Variants in TRAPPC3 observed in about 807,000 individuals in gnomAD.
TRAPPC3 encodes the protein trafficking protein particle complex subunit 3, also known as trafficking protein particle complex 3.
TRAPPC3 carries 5 observed loss-of-function variants against 18.2 expected under a neutral mutation model. The observed-to-expected ratio is 0.28, with a 90% CI of 0.14 to 0.58. The LOEUF is 0.58. Among genes scored for constraint, TRAPPC3 ranks in the 20% least tolerant of loss-of-function variants. TRAPPC3 has a pLI of 0.91. For missense variants in TRAPPC3, 176 were observed against 225.9 expected, an observed-to-expected ratio of 0.78 and a Z score of 1.41; for synonymous variants, 65 against 84.2, an observed-to-expected ratio of 0.77 and a Z score of 1.25.
intron 1 of TRAPPC3, among the ~76,000 whole-genome samples, chr1:36,143,855 C>G (rs1489357935): frequency 6.6e-6 from 1 of 152,188 alleles, no homozygotes; most frequent in Non-Finnish European, 1.5e-5. Context: ...AAAATGGTGA[C>G]AATGTTACCT....
rs911170662 is a variant in TRAPPC3 at position 36,146,441 on chromosome 1, C to T, written c.42+2896G>A. Among the ~76,000 whole-genome samples the T allele has an allele frequency of 2.6e-5, 4 of 151,706 alleles. No individual in the cohort carries two copies. The East Asian group carries it at 5.8e-4, about 22-fold the overall frequency. ...CCTCCTGAGTAGCTGGGACTACAGA[C>T]GCCCGCCACCGCGACCGGCTAATTT... On this transcript the variant is annotated intron_variant, in intron 1 of 4. Transcript: ENST00000373166.
In TRAPPC3 at chr1:36,136,744, A is replaced by G. The variant is rs959416815; in HGVS notation, c.*459T>C. 1 of 153,104 alleles carries G rather than the reference A, an allele frequency of 6.5e-6. No individual in the cohort carries two copies. Among genetic ancestry groups the G allele is most frequent in the African/African-American group, 2.4e-5 (1 of 41,454 alleles). 9.5% of individuals were successfully genotyped at this position (153,104 alleles called of 1,614,324 possible). A position where few individuals can be genotyped will look rare whatever the true frequency, so the allele number is the denominator to read the frequency against. ...TGGCTCCTTTCCTGGCAAACACTACAATGTGTCACACTACAGCTAGCAATT... is the reference window on the plus strand; with the variant it reads ...TGGCTCCTTTCCTGGCAAACACTACGATGTGTCACACTACAGCTAGCAATT... On this transcript the variant is annotated 3_prime_UTR_variant, in exon 5 of 5. Coordinates refer to ENST00000373166, the MANE Select transcript of TRAPPC3 (RefSeq NM_014408.5).
chr1:36,148,088 G>A (rs1273088819), intron 1 of TRAPPC3, among the ~76,000 whole-genome samples: 1 of 152,186 alleles, frequency 6.6e-6, no homozygotes, highest in East Asian at 1.9e-4. Context: ...TAAAGAAATT[G>A]AAGATCAATC....
intron 1 of TRAPPC3, among the ~76,000 whole-genome samples, chr1:36,143,733 G>C (rs2124157373): frequency 6.6e-6 from 1 of 152,286 alleles, no homozygotes; most frequent in Middle Eastern, 3.4e-3. Context: ...CAGATGACAG[G>C]TTAAGTAACT....
intron 1 of TRAPPC3, among the ~76,000 whole-genome samples, chr1:36,147,349 C>A (rs972414550): frequency 6.6e-6 from 1 of 151,822 alleles, no homozygotes; most frequent in African/African-American, 2.4e-5. Context: ...CAATTTAGGT[C>A]TTGGCAAGCT....
At chr1:36,145,529 A>C (rs1187983134) in intron 1 of TRAPPC3, among the ~76,000 whole-genome samples, 2 of 152,174 alleles carry the variant, frequency 1.3e-5, no homozygotes, top group Non-Finnish European at 2.9e-5. Flanking sequence ...GCTCAGGGGA[A>C]TAGACACTGG....
At chr1:36,143,440 G>C (rs1172829476) in intron 1 of TRAPPC3, among the ~76,000 whole-genome samples, 31 of 152,190 alleles carry the variant, frequency 2.0e-4, no homozygotes, top group Non-Finnish European at 1.5e-5. Context: ...GCCTTAGAGA[G>C]GAGTAAGCAA....
At chr1:36,152,695 G>A (rs1644280422), upstream of TRAPPC3, among the ~76,000 whole-genome samples, 1 of 151,874 alleles carries the variant, frequency 6.6e-6, no homozygotes, top group Admixed American at 6.6e-5. Flanking sequence ...CTGTCGTCCA[G>A]GCTGGAGTGC....
At position 36,137,935 on chromosome 1, in the gene TRAPPC3, T is replaced by A; in HGVS notation, c.284A>T (p.Asn95Ile). 1 of 1,614,154 alleles carries A rather than the reference T, an allele frequency of 6.2e-7. No individual in the cohort carries two copies. The highest frequency in any genetic ancestry group is 8.5e-7 in the Non-Finnish European group (1 of 1,180,024). The stretch of plus-strand genomic sequence containing the variant: ...GAATTCATCACCAGCTGGGCTCCAA[T>A]TAGTAATGCTTGGAGTGATGCCCAA... ...MYLGITPSITNWSPAGDEFSL... is the reference protein window; with the variant it reads ...MYLGITPSITIWSPAGDEFSL... Residue 95 changes from asparagine (N) to isoleucine (I), a missense_variant, in exon 4 of 5, where the codon AAT (asparagine) becomes ATT (isoleucine). This residue lies in a region of TRAPPC3 where 147 missense variants were observed against 164.3 expected (regional missense o/e 0.89). Coordinates refer to ENST00000373166, the MANE Select transcript of TRAPPC3 (RefSeq NM_014408.5).
At chr1:36,149,683 G>C (rs553036614), upstream of TRAPPC3, among the ~76,000 whole-genome samples, 1 of 152,366 alleles carries the variant, frequency 6.6e-6, no homozygotes, top group Admixed American at 6.5e-5. Context: ...CTTGCGCTGG[G>C]CAGCATCCTG....
At chr1:36,155,268 C>A (rs1644308081) in intron 1 of TRAPPC3, among the ~76,000 whole-genome samples, 1 of 152,242 alleles carries the variant, frequency 6.6e-6, no homozygotes, top group South Asian at 2.1e-4. Flanking sequence ...CCACTCTGCC[C>A]CGGGCTGGGC....
chr1:36,137,157 G>A lies in TRAPPC3; in HGVS notation c.*46C>T. On this transcript the variant is annotated 3_prime_UTR_variant, in exon 5 of 5. Coordinates refer to ENST00000373166, the MANE Select transcript of TRAPPC3 (RefSeq NM_014408.5). ...GGCAGAGGGAGCACAGAGGCCTGCT[G>A]ATTCCAACAGTGCTCCTGATGGCTA... 1 of 1,585,058 alleles carries A rather than the reference G, an allele frequency of 6.3e-7. No individual in the cohort carries two copies. The highest frequency in any genetic ancestry group is 8.6e-7 in the Non-Finnish European group (1 of 1,156,504).
At chr1:36,149,637 G>A, upstream of TRAPPC3, 4 of 565,068 alleles carry the variant, frequency 7.1e-6, no homozygotes, top group South Asian at 8.1e-5. Flanking sequence ...TACAACTCCC[G>A]GAGTGCTCCG....
At position 36,147,800 on chromosome 1, in the gene TRAPPC3, T is replaced by G. The variant is rs186888039; in HGVS notation, c.42+1537A>C. Among the ~76,000 whole-genome samples the G allele has an allele frequency of 2.6e-4, 40 of 152,290 alleles. No homozygotes were observed. The East Asian group carries it at 6.8e-3, about 26-fold the overall frequency. On this transcript the variant is annotated intron_variant, in intron 1 of 4. Transcript: ENST00000373166. ...TAGAAGAAGGGAGTTCCAAGAGCCT[T>G]GAGGGCAGGAGTATGCTGCTGCCCC...
At chr1:36,137,413 C>A in intron 4 of TRAPPC3, 91 bp from the exon 5 acceptor site, 4 of 1,374,010 alleles carry the variant, frequency 2.9e-6, no homozygotes, top group Admixed American at 4.4e-5. Flanking sequence ...TCATCCACAG[C>A]ATCCAAAAAA....
Position 36,137,015 on chromosome 1 carries a change from A to G in TRAPPC3, c.*188T>C. 3 of 527,210 alleles carry G rather than the reference A, an allele frequency of 5.7e-6. No homozygotes were observed. The highest frequency in any genetic ancestry group is 9.6e-6 in the Non-Finnish European group (3 of 312,392). 32.7% of individuals were successfully genotyped at this position (527,210 alleles called of 1,614,324 possible). A position where few individuals can be genotyped will look rare whatever the true frequency, so the allele number is the denominator to read the frequency against. ...TGGGGGCAGAGACTGTCGCTCCTGA[A>G]TGTGCACACATGGGGTAAATGGACT... On this transcript the variant is annotated 3_prime_UTR_variant, in exon 5 of 5. Transcript: ENST00000373166.
chr1:36,145,074 T>C lies in TRAPPC3; in HGVS notation c.42+4263A>G, dbSNP rs7517568. ...TCTCGCTCTGTCGCCCAGGATGAAG[T>C]GCAGTAGCGCAATCTTGGCTCACTG... On this transcript the variant is annotated intron_variant, in intron 1 of 4. Coordinates refer to ENST00000373166, the MANE Select transcript of TRAPPC3 (RefSeq NM_014408.5). Among the ~76,000 whole-genome samples the C allele has an allele frequency of 6.5e-3, 990 of 152,184 alleles. 17 individuals carry two copies. The highest frequency in any genetic ancestry group is 0.023 in the African/African-American group (947 of 41,510).
chr1:36,149,329 C>G lies in TRAPPC3; in HGVS notation c.42+8G>C. The G allele has an allele frequency of 2.5e-6, 4 of 1,613,860 alleles. No individual in the cohort carries two copies. The highest frequency in any genetic ancestry group is 3.4e-6 in the Non-Finnish European group (4 of 1,179,890). The stretch of plus-strand genomic sequence containing the variant: ...CCCCGCCCGCCGAGGTCACGCGCTC[C>G]AAGTTACCATTTTCTTGCTCTCGGT... On this transcript the variant is annotated splice_region_variant and intron_variant, in intron 1 of 4. Coordinates refer to ENST00000373166, the MANE Select transcript of TRAPPC3 (RefSeq NM_014408.5).
chr1:36,138,188 C>G (rs1557756833), intron 3 of TRAPPC3: 3 of 1,550,134 alleles, frequency 1.9e-6, no homozygotes, highest in Non-Finnish European at 2.6e-6. Context: ...ACAGTTTTGC[C>G]TGTCGCTTTG....
Sources: allele counts gnomAD v4.1 joint callset (sites outside exome capture counted in the v4.1 genomes callset), GRCh38; gene constraint gnomAD v4.1.1; regional missense constraint gnomAD v4.1.1; transcripts MANE v1.5; gene names NCBI Gene and HGNC (gene_info 2026-07-23, HGNC 2026-07-21).